The following BMPR1B variants were observed in gnomAD, a reference collection of about 807,000 sequenced individuals.
BMPR1B encodes the protein bone morphogenetic protein receptor type-1B.
A neutral mutation model predicts 59.1 loss-of-function variants in BMPR1B; 12 were observed. The observed-to-expected ratio is 0.20, with a 90% CI of 0.13 to 0.33. The LOEUF (loss-of-function observed/expected upper bound fraction) is 0.33, where lower values mean the gene tolerates loss of function less well. Ranked by LOEUF, BMPR1B falls within the 10% of genes least tolerant of loss-of-function variation. BMPR1B has a pLI of 1.00. For missense variants in BMPR1B, 550 were observed against 610.9 expected (o/e 0.90, Z 1.05); for synonymous variants, 237 against 207.3 (o/e 1.14, Z -1.23).
At chr4:94,824,734 G>A (rs1005959855) in intron 1 of BMPR1B, among the ~76,000 whole-genome samples, 2 of 151,812 alleles carry the variant, frequency 1.3e-5, no homozygotes, top group Non-Finnish European at 2.9e-5. Context: ...TTGATCTTGG[G>A]GAAAAATGGG....
intron 3 of BMPR1B, among the ~76,000 whole-genome samples, chr4:94,997,418 A>G (rs546397460): frequency 6.6e-6 from 1 of 152,196 alleles, no homozygotes; most frequent in Non-Finnish European, 1.5e-5. Flanking sequence ...CAGGTAGAAT[A>G]TGTTTAAATG....
intron 10 of BMPR1B, among the ~76,000 whole-genome samples, chr4:95,143,618 G>C (rs1734415702): frequency 6.6e-6 from 1 of 152,150 alleles, no homozygotes; most frequent in South Asian, 2.1e-4. Context: ...ACTCCACCAT[G>C]CTGGCATTTT....
At chr4:94,935,576 A>T (rs1729262233) in intron 2 of BMPR1B, among the ~76,000 whole-genome samples, 1 of 152,216 alleles carries the variant, frequency 6.6e-6, no homozygotes, top group Non-Finnish European at 1.5e-5. Context: ...AAAATGAAAC[A>T]GAGTAAAAGG....
At chr4:95,006,618 T>C (rs1722856582) in intron 3 of BMPR1B, among the ~76,000 whole-genome samples, 3 of 150,542 alleles carry the variant, frequency 2.0e-5, no homozygotes, top group Admixed American at 2.0e-4. Flanking sequence ...CTTGGCTCAC[T>C]GCAACCTCTG....
chr4:94,901,954 A>G (rs1286027998), intron 2 of BMPR1B, among the ~76,000 whole-genome samples: 1 of 151,732 alleles, frequency 6.6e-6, no homozygotes, highest in Non-Finnish European at 1.5e-5. Flanking sequence ...TCACATAGGT[A>G]TATATTCATA....
chr4:95,087,594 G>T (rs1729681181), intron 3 of BMPR1B, among the ~76,000 whole-genome samples: 2 of 152,208 alleles, frequency 1.3e-5, no homozygotes, highest in South Asian at 4.2e-4. Flanking sequence ...AGCCAGGCTT[G>T]GTGGTGCATG....
intron 1 of BMPR1B, among the ~76,000 whole-genome samples, chr4:94,815,570 T>C (rs1723982349): frequency 6.6e-6 from 1 of 152,236 alleles, no homozygotes; most frequent in Admixed American, 6.5e-5. Context: ...CAATATTGTT[T>C]TTTATTTTGC....
intron 1 of BMPR1B, among the ~76,000 whole-genome samples, chr4:94,795,658 T>G (rs978059689): frequency 2.6e-5 from 4 of 151,992 alleles, no homozygotes; most frequent in African/African-American, 9.7e-5. Flanking sequence ...GAGACGGGGT[T>G]TCACCATATT....
At chr4:94,778,233 C>A (rs893495773) in intron 1 of BMPR1B, among the ~76,000 whole-genome samples, 1 of 151,990 alleles carries the variant, frequency 6.6e-6, no homozygotes, top group Admixed American at 6.6e-5. Flanking sequence ...TAAACACTAA[C>A]CTGAGTTTTA....
intron 2 of BMPR1B, among the ~76,000 whole-genome samples, chr4:94,898,890 T>C (rs536159371): frequency 1.4e-4 from 21 of 152,210 alleles, no homozygotes; most frequent in Non-Finnish European, 2.1e-4. Flanking sequence ...ATAGTTGTAT[T>C]AATTTCTTGA....
intron 2 of BMPR1B, among the ~76,000 whole-genome samples, chr4:94,883,187 C>G (rs1231560114): frequency 6.6e-6 from 1 of 152,100 alleles, no homozygotes; most frequent in Non-Finnish European, 1.5e-5. Context: ...GGATTCTAGT[C>G]CAGAGCTGTT....
At chr4:94,920,640 A>G (rs1728654562) in intron 2 of BMPR1B, among the ~76,000 whole-genome samples, 1 of 152,228 alleles carries the variant, frequency 6.6e-6, no homozygotes, top group Non-Finnish European at 1.5e-5. Context: ...GTACTAAAAA[A>G]AGTCCTGGTT....
chr4:95,039,089 G>C (rs1325819476), intron 3 of BMPR1B, among the ~76,000 whole-genome samples: 1 of 152,118 alleles, frequency 6.6e-6, no homozygotes, highest in East Asian at 1.9e-4. Context: ...CTGTAACTAA[G>C]GCTCTTATAT....
At chr4:95,138,401 T>C (rs1560685369) in intron 10 of BMPR1B, among the ~76,000 whole-genome samples, 1 of 152,166 alleles carries the variant, frequency 6.6e-6, no homozygotes, top group South Asian at 2.1e-4. Context: ...TTGCTCTTCT[T>C]GAGGAGTATC....
intron 2 of BMPR1B, among the ~76,000 whole-genome samples, chr4:94,897,986 TGCCCAG>T (rs1727654861): frequency 6.7e-6 from 1 of 149,718 alleles, no homozygotes. Context: ...CTTTCTCTGT[TGCCCAG>T]GCTGAGTGCA....
chr4:94,864,521 C>T (rs964582967), intron 1 of BMPR1B, among the ~76,000 whole-genome samples: 2 of 152,050 alleles, frequency 1.3e-5, no homozygotes, highest in African/African-American at 4.8e-5. Context: ...GCTGCTGTTT[C>T]TAAGCTGTAT....
At chr4:95,024,272 T>C (rs1482343718) in intron 3 of BMPR1B, among the ~76,000 whole-genome samples, 2 of 152,168 alleles carry the variant, frequency 1.3e-5, no homozygotes, top group African/African-American at 4.8e-5. Flanking sequence ...TTTCTCTCTT[T>C]GATGATGAGA....
intron 3 of BMPR1B, among the ~76,000 whole-genome samples, chr4:95,072,374 C>T (rs1728373455): frequency 6.6e-6 from 1 of 152,128 alleles, no homozygotes; most frequent in African/African-American, 2.4e-5. Flanking sequence ...CAAGTTGATG[C>T]ACATAATTAA....
At chr4:94,972,772 A>G (rs1220518510) in intron 2 of BMPR1B, among the ~76,000 whole-genome samples, 2 of 152,176 alleles carry the variant, frequency 1.3e-5, no homozygotes, top group African/African-American at 4.8e-5. Context: ...CAGTTTCTCC[A>G]TTCATAAAAT....
Sources: allele counts gnomAD v4.1 joint callset (sites outside exome capture counted in the v4.1 genomes callset), GRCh38; gene constraint gnomAD v4.1.1; transcripts MANE v1.5; gene names NCBI Gene and HGNC (gene_info 2026-07-23, HGNC 2026-07-21).